The following INPP4B variants were observed in gnomAD, a reference collection of about 807,000 sequenced individuals.
INPP4B encodes inositol polyphosphate-4-phosphatase type II B.
In INPP4B, 55 loss-of-function variants were observed where a neutral mutation model predicts 122.5. That is an observed-to-expected ratio of 0.45 (90% CI 0.36 to 0.56). The LOEUF (loss-of-function observed/expected upper bound fraction) is 0.56. Ranked by LOEUF, INPP4B falls within the 20% of genes least tolerant of loss-of-function variation. The pLI is 0.00. For synonymous variants in INPP4B, 403 were observed against 388.7 expected (o/e 1.04, Z -0.43); for missense variants, 1,000 against 1,097.7 (o/e 0.91, Z 1.26).
intron 2 of INPP4B, among the ~76,000 whole-genome samples, chr4:142,565,233 G>A (rs571183175): frequency 1.3e-5 from 2 of 152,114 alleles, no homozygotes; most frequent in South Asian, 2.1e-4. Flanking sequence ...CTGAATCCAG[G>A]GCTGAAGGAG....
At chr4:142,641,444 G>A (rs796157518) in intron 2 of INPP4B, among the ~76,000 whole-genome samples, 3 of 127,716 alleles carry the variant, frequency 2.3e-5, no homozygotes, top group African/African-American at 6.1e-5. Context: ...AACAGGCCCC[G>A]TTGTGTGATG....
intron 11 of INPP4B, among the ~76,000 whole-genome samples, chr4:142,258,108 T>A (rs1204027257): frequency 6.6e-6 from 1 of 151,554 alleles, no homozygotes; most frequent in Non-Finnish European, 1.5e-5. Flanking sequence ...GGGGAAAGGA[T>A]TCCCTATTTA....
intron 2 of INPP4B, among the ~76,000 whole-genome samples, chr4:142,625,382 A>G (rs1021451410): frequency 2.0e-5 from 3 of 152,192 alleles, no homozygotes; most frequent in African/African-American, 7.2e-5. Flanking sequence ...CCCATTCACA[A>G]TTGCTTCAAA....
chr4:142,836,433 CGT>C (rs1027054968), intron 1 of INPP4B, among the ~76,000 whole-genome samples: 3 of 151,410 alleles, frequency 2.0e-5, no homozygotes, highest in African/African-American at 7.3e-5. Flanking sequence ...TGTGTGCGCG[CGT>C]GTGTGTATAC....
At chr4:142,134,433 T>A (rs550813777) in intron 18 of INPP4B, among the ~76,000 whole-genome samples, 1 of 152,200 alleles carries the variant, frequency 6.6e-6, no homozygotes, top group African/African-American at 2.4e-5. Flanking sequence ...TAAGAACAGA[T>A]ATTTTAAAAT....
intron 3 of INPP4B, among the ~76,000 whole-genome samples, chr4:142,440,269 G>T (rs540608601): frequency 6.6e-6 from 1 of 152,262 alleles, no homozygotes; most frequent in African/African-American, 2.4e-5. Flanking sequence ...TGTGATAACT[G>T]CCATGAAAGG....
chr4:142,118,321 A>T (rs936985219), intron 21 of INPP4B, among the ~76,000 whole-genome samples: 6 of 151,970 alleles, frequency 3.9e-5, no homozygotes, highest in Non-Finnish European at 5.9e-5. Flanking sequence ...ACCAAAAAAG[A>T]GCACGCATTG....
At chr4:142,745,642 G>T (rs925040702) in intron 1 of INPP4B, among the ~76,000 whole-genome samples, 1 of 151,698 alleles carries the variant, frequency 6.6e-6, no homozygotes, top group Admixed American at 6.6e-5. Flanking sequence ...TCACTTTTTA[G>T]TTCCCATAAA....
chr4:142,627,190 G>A (rs983898820), intron 2 of INPP4B, among the ~76,000 whole-genome samples: 14 of 150,968 alleles, frequency 9.3e-5, no homozygotes, highest in South Asian at 2.1e-4. Flanking sequence ...CAATCATGTC[G>A]TCTACAAACA....
At chr4:142,691,584 A>G (rs1296691179) in intron 2 of INPP4B, among the ~76,000 whole-genome samples, 1 of 152,152 alleles carries the variant, frequency 6.6e-6, no homozygotes, top group Non-Finnish European at 1.5e-5. Flanking sequence ...CAGATTTAGA[A>G]AAAACACAAA....
intron 2 of INPP4B, among the ~76,000 whole-genome samples, chr4:142,682,192 C>G (rs750801809): frequency 2.0e-5 from 3 of 151,826 alleles, no homozygotes; most frequent in Non-Finnish European, 4.4e-5. Context: ...CACAATTTCT[C>G]TAGGTTTATT....
At chr4:142,490,083 C>T (rs1821690641) in intron 2 of INPP4B, among the ~76,000 whole-genome samples, 1 of 150,350 alleles carries the variant, frequency 6.7e-6, no homozygotes, top group Non-Finnish European at 1.5e-5. Flanking sequence ...ATTTTCTTTC[C>T]TTTTTTTTTG....
chr4:142,568,498 TATC>T lies in INPP4B; in HGVS notation c.-190-105775_-190-105773del, dbSNP rs542639003. On this transcript the variant is annotated intron_variant, in intron 2 of 25. Transcript: ENST00000262992. ...AGATTTAGATATTGGACTTCATTGTTATCATCACCATTTCCTTATTCACTTTAT... is the reference window on the plus strand; with the variant it reads ...AGATTTAGATATTGGACTTCATTGTTATCACCATTTCCTTATTCACTTTAT... 4.5e-3 allele frequency among the ~76,000 whole-genome samples: 692 copies of T among 152,310 alleles called. 3 individuals are homozygous for T. The highest frequency in any genetic ancestry group is 8.7e-3 in the Non-Finnish European group (593 of 68,024).
intron 2 of INPP4B, among the ~76,000 whole-genome samples, chr4:142,564,357 G>T (rs1029927372): frequency 6.8e-6 from 1 of 147,396 alleles, no homozygotes; most frequent in Non-Finnish European, 1.5e-5. Context: ...AAATGATAAA[G>T]GTATAAAGAA....
chr4:142,630,688 T>C (rs1747732960), intron 2 of INPP4B, among the ~76,000 whole-genome samples: 1 of 152,108 alleles, frequency 6.6e-6, no homozygotes, highest in African/African-American at 2.4e-5. Flanking sequence ...TAAGCCTGAC[T>C]TTTGGAGCTA....
chr4:142,707,201 C>A (rs1011949569), intron 2 of INPP4B, among the ~76,000 whole-genome samples: 13 of 152,300 alleles, frequency 8.5e-5, no homozygotes, highest in Non-Finnish European at 1.8e-4. Flanking sequence ...CATATAGAAA[C>A]TCAGAGATAT....
intron 2 of INPP4B, among the ~76,000 whole-genome samples, chr4:142,491,577 A>T (rs1821879136): frequency 3.9e-5 from 6 of 152,216 alleles, no homozygotes; most frequent in Admixed American, 3.9e-4. Context: ...GAATTGCTTG[A>T]ACCCGGGAGG....
intron 2 of INPP4B, among the ~76,000 whole-genome samples, chr4:142,612,422 T>C (rs891401820): frequency 6.6e-6 from 1 of 152,210 alleles, no homozygotes; most frequent in African/African-American, 2.4e-5. Flanking sequence ...GTCTTAGTCC[T>C]TCTTGGCTAT....
chr4:142,212,715 T>C (rs1845433294), intron 12 of INPP4B, among the ~76,000 whole-genome samples: 1 of 152,148 alleles, frequency 6.6e-6, no homozygotes, highest in Non-Finnish European at 1.5e-5. Flanking sequence ...ACTGCTCCCC[T>C]GACTCCACCA....
Sources: allele counts gnomAD v4.1 joint callset (sites outside exome capture counted in the v4.1 genomes callset), GRCh38; gene constraint gnomAD v4.1.1; transcripts MANE v1.5; gene names NCBI Gene and HGNC (gene_info 2026-07-23, HGNC 2026-07-21).